The following LPP variants were observed in gnomAD, a reference collection of about 807,000 sequenced individuals.
LPP encodes the protein lipoma-preferred partner.
A neutral mutation model predicts 60.4 loss-of-function variants in LPP; 38 were observed. The ratio of observed to expected loss-of-function variants is 0.63; its 90% CI spans 0.49 to 0.83. LPP has a LOEUF of 0.83. Among genes scored for constraint, LPP ranks in the 40% least tolerant of loss-of-function variants. LPP has a pLI of 0.00. For missense variants in LPP, 902 were observed against 783.6 expected (o/e 1.15, Z -1.80); for synonymous variants, 328 against 290.8 (o/e 1.13, Z -1.30).
At chr3:188,415,251 A>G (rs1785896058) in intron 4 of LPP, among the ~76,000 whole-genome samples, 1 of 152,150 alleles carries the variant, frequency 6.6e-6, no homozygotes, top group African/African-American at 2.4e-5. Flanking sequence ...ATATCACCAC[A>G]CATGTATTAG....
At chr3:188,817,242 T>C (rs1752708576) in intron 9 of LPP, among the ~76,000 whole-genome samples, 1 of 152,142 alleles carries the variant, frequency 6.6e-6, no homozygotes, top group Non-Finnish European at 1.5e-5. Context: ...TGGAGTAGAA[T>C]CTGGTGCGTT....
At chr3:188,237,460 G>A (rs565380816) in intron 2 of LPP, among the ~76,000 whole-genome samples, 28 of 152,216 alleles carry the variant, frequency 1.8e-4, no homozygotes, top group African/African-American at 6.7e-4. Context: ...ATTCATCTGA[G>A]GAATCATTAT....
intron 1 of LPP, chr3:188,179,288 T>C (rs1213877644): frequency 8.7e-6 from 4 of 458,380 alleles, no homozygotes; most frequent in Non-Finnish European, 1.8e-5. Context: ...AGCTTCTTTA[T>C]CTGACCCGTG....
intron 2 of LPP, among the ~76,000 whole-genome samples, chr3:188,335,148 A>G (rs1761297792): frequency 6.6e-6 from 1 of 152,222 alleles, no homozygotes; most frequent in East Asian, 1.9e-4. Context: ...GAACGTGTCC[A>G]GTATGTTGAT....
chr3:188,851,160 A>G (rs1445431905), intron 9 of LPP, among the ~76,000 whole-genome samples: 1 of 152,216 alleles, frequency 6.6e-6, no homozygotes, highest in Non-Finnish European at 1.5e-5. Flanking sequence ...CTGACTGGGA[A>G]TGTTGTAGAG....
chr3:188,581,910 A>G (rs1224905476), intron 6 of LPP, among the ~76,000 whole-genome samples: 1 of 152,102 alleles, frequency 6.6e-6, no homozygotes, highest in Non-Finnish European at 1.5e-5. Flanking sequence ...CTGTGGTTCA[A>G]TACTTCAGCC....
At chr3:188,168,398 T>G (rs1720639163) in intron 1 of LPP, among the ~76,000 whole-genome samples, 1 of 152,244 alleles carries the variant, frequency 6.6e-6, no homozygotes, top group Non-Finnish European at 1.5e-5. Context: ...TATTGTGATG[T>G]TAAAGAACAT....
intron 11 of LPP, among the ~76,000 whole-genome samples, chr3:188,873,547 G>A (rs1768709916): frequency 1.3e-5 from 2 of 152,084 alleles, no homozygotes; most frequent in South Asian, 4.1e-4. Context: ...GGAGCTGTCA[G>A]CGGTAGTATA....
At chr3:188,567,187 G>T (rs570105774) in intron 6 of LPP, among the ~76,000 whole-genome samples, 1 of 151,846 alleles carries the variant, frequency 6.6e-6, no homozygotes, top group African/African-American at 2.4e-5. Context: ...AGATGACGCT[G>T]TAAAACTTTT....
At chr3:188,423,800 G>GT (rs746287946) in intron 4 of LPP, among the ~76,000 whole-genome samples, 38 of 149,240 alleles carry the variant, frequency 2.5e-4, no homozygotes, top group East Asian at 1.0e-3. Flanking sequence ...TGATGGCATT[G>GT]TTTGTTTTTT....
At chr3:188,264,315 T>C (rs1734693259) in intron 2 of LPP, among the ~76,000 whole-genome samples, 1 of 150,472 alleles carries the variant, frequency 6.6e-6, no homozygotes, top group South Asian at 2.1e-4. Flanking sequence ...GAGAGAGAGA[T>C]TTTGAATGGG....
intron 3 of LPP, among the ~76,000 whole-genome samples, chr3:188,376,172 G>C (rs1320307461): frequency 6.6e-6 from 1 of 152,146 alleles, no homozygotes; most frequent in Non-Finnish European, 1.5e-5. Flanking sequence ...TGAAAAAAAT[G>C]TGTATTCTGT....
chr3:188,264,944 G>C (rs1333935743), intron 2 of LPP, among the ~76,000 whole-genome samples: 1 of 152,154 alleles, frequency 6.6e-6, no homozygotes, highest in Admixed American at 6.5e-5. Flanking sequence ...TCATAAAAAT[G>C]ATGTGTCTTA....
chr3:188,780,220 G>T (rs1230150194), intron 9 of LPP, among the ~76,000 whole-genome samples: 4 of 152,148 alleles, frequency 2.6e-5, no homozygotes, highest in East Asian at 1.9e-4. Context: ...CAAATAATCA[G>T]TTAATCAGAT....
intron 4 of LPP, among the ~76,000 whole-genome samples, chr3:188,418,736 C>T (rs1052426643): frequency 6.6e-6 from 1 of 152,006 alleles, no homozygotes; most frequent in Admixed American, 6.6e-5. Context: ...ATAAAACAGC[C>T]AAAGTAGTCT....
At chr3:188,721,154 T>C (rs893301327) in intron 8 of LPP, among the ~76,000 whole-genome samples, 4 of 152,216 alleles carry the variant, frequency 2.6e-5, no homozygotes, top group Admixed American at 1.3e-4. Flanking sequence ...TTATCCGACT[T>C]TGTCTTCCTT....
chr3:188,533,898 C>A (rs901077981), intron 6 of LPP, among the ~76,000 whole-genome samples: 2 of 152,074 alleles, frequency 1.3e-5, no homozygotes, highest in East Asian at 3.9e-4. Flanking sequence ...ACATTTATAC[C>A]TCATCATTTT....
chr3:188,527,973 A>G (rs1406703605), intron 6 of LPP, among the ~76,000 whole-genome samples: 1 of 152,174 alleles, frequency 6.6e-6, no homozygotes, highest in African/African-American at 2.4e-5. Context: ...ATGACACTGC[A>G]TGGATTTATG....
At chr3:188,306,080 C>A (rs954087334) in intron 2 of LPP, among the ~76,000 whole-genome samples, 1 of 151,810 alleles carries the variant, frequency 6.6e-6, no homozygotes, top group Non-Finnish European at 1.5e-5. Context: ...TTTTCTTTTT[C>A]TTTTCTTTTA....
Sources: gnomAD v4.1 joint callset for allele counts (sites outside exome capture counted in the v4.1 genomes callset) on GRCh38, gnomAD v4.1.1 for gene constraint, MANE v1.5 for transcripts, NCBI Gene and HGNC (gene_info 2026-07-23, HGNC 2026-07-21) for gene names.